Variants in RAB27B observed in about 807,000 individuals in gnomAD.
The protein encoded by RAB27B is RAB27B, member RAS oncogene family, also known as ras-related protein Rab-27B.
RAB27B carries 15 observed loss-of-function variants against 24.6 expected under a neutral mutation model. The observed-to-expected ratio is 0.61, with a 90% CI of 0.41 to 0.94. RAB27B has a LOEUF of 0.94. RAB27B is among the 40% of genes least tolerant of loss of function. The probability of loss-of-function intolerance (pLI) is 0.00; values close to 1 mark genes in which losing one functional copy is unlikely to be tolerated. For missense variants in RAB27B, 261 were observed against 266.8 expected, an observed-to-expected ratio of 0.98 and a Z score of 0.15; for synonymous variants, 105 against 92.5, an observed-to-expected ratio of 1.14 and a Z score of -0.78.
At chr18:54,881,004 T>C (rs1912901556) in intron 3 of RAB27B, among the ~76,000 whole-genome samples, 1 of 152,100 alleles carries the variant, frequency 6.6e-6, no homozygotes, top group Non-Finnish European at 1.5e-5. Context: ...TTGATAGAAG[T>C]CACATCATGG....
chr18:54,749,984 T>A (rs1907780773), intron 2 of RAB27B, among the ~76,000 whole-genome samples: 1 of 152,202 alleles, frequency 6.6e-6, no homozygotes, highest in Admixed American at 6.5e-5. Context: ...CCTACTGTTA[T>A]TGAATGGCTC....
chr18:54,876,898 A>G (rs1397855984), intron 1 of RAB27B, among the ~76,000 whole-genome samples: 2 of 151,864 alleles, frequency 1.3e-5, no homozygotes, highest in Non-Finnish European at 2.9e-5. Flanking sequence ...TCTAATCCCA[A>G]ATGCACTGGT....
At chr18:54,741,393 T>A (rs567283306) in intron 2 of RAB27B, among the ~76,000 whole-genome samples, 3 of 152,338 alleles carry the variant, frequency 2.0e-5, no homozygotes, top group African/African-American at 7.2e-5. Flanking sequence ...CTAAGTTCAC[T>A]GTTGTGCATC....
intron 1 of RAB27B, among the ~76,000 whole-genome samples, chr18:54,843,287 G>A (rs1911189976): frequency 1.3e-5 from 2 of 152,082 alleles, no homozygotes; most frequent in African/African-American, 2.4e-5. Flanking sequence ...ATAAATTAAT[G>A]CCCTGTAGAG....
chr18:54,846,608 C>T (rs995735299), intron 1 of RAB27B, among the ~76,000 whole-genome samples: 1 of 152,200 alleles, frequency 6.6e-6, no homozygotes, highest in Non-Finnish European at 1.5e-5. Context: ...ATACCTACCA[C>T]ATTTGAGCCA....
At chr18:54,720,327 T>C (rs563415855) in intron 2 of RAB27B, among the ~76,000 whole-genome samples, 2 of 152,208 alleles carry the variant, frequency 1.3e-5, no homozygotes, top group African/African-American at 4.8e-5. Flanking sequence ...CAGATTTACT[T>C]GGTAGTGTTA....
At chr18:54,850,357 T>TATATATACATATATAC (rs1264669719) in intron 1 of RAB27B, among the ~76,000 whole-genome samples, 1 of 130,566 alleles carries the variant, frequency 7.7e-6, no homozygotes, top group African/African-American at 3.1e-5. Context: ...TATATATATA[T>TATATATACATATATAC]ATACATACAT....
intron 2 of RAB27B, among the ~76,000 whole-genome samples, chr18:54,816,431 G>A (rs968286863): frequency 5.9e-5 from 9 of 152,210 alleles, no homozygotes; most frequent in South Asian, 2.1e-4. Context: ...AAGTATATCC[G>A]TGCCAAGACG....
intron 1 of RAB27B, among the ~76,000 whole-genome samples, chr18:54,856,469 G>T (rs888108933): frequency 6.6e-6 from 1 of 152,202 alleles, no homozygotes; most frequent in African/African-American, 2.4e-5. Context: ...ACAGTAATGT[G>T]GTCTGACTTA....
chr18:54,842,080 G>A (rs1005196050), intron 1 of RAB27B, among the ~76,000 whole-genome samples: 2 of 152,160 alleles, frequency 1.3e-5, no homozygotes, highest in South Asian at 2.1e-4. Flanking sequence ...GGCAGAAGAC[G>A]GCTATGTGAG....
chr18:54,793,887 A>T (rs772959841), intron 2 of RAB27B, among the ~76,000 whole-genome samples: 3 of 152,218 alleles, frequency 2.0e-5, no homozygotes, highest in South Asian at 4.1e-4. Flanking sequence ...CTCTATTTTT[A>T]AAAATAGTTA....
chr18:54,762,521 C>T (rs1908224097), intron 2 of RAB27B, among the ~76,000 whole-genome samples: 1 of 152,206 alleles, frequency 6.6e-6, no homozygotes, highest in Non-Finnish European at 1.5e-5. Context: ...GTTCACTCTG[C>T]CACATTGTGC....
At chr18:54,811,028 A>T (rs538701153) in intron 2 of RAB27B, among the ~76,000 whole-genome samples, 56 of 152,166 alleles carry the variant, frequency 3.7e-4, no homozygotes, top group Non-Finnish European at 7.4e-4. Flanking sequence ...TGTTACCTGA[A>T]ACGAATACAT....
At chr18:54,775,056 A>C (rs1006121659) in intron 2 of RAB27B, among the ~76,000 whole-genome samples, 2 of 152,208 alleles carry the variant, frequency 1.3e-5, no homozygotes, top group Non-Finnish European at 2.9e-5. Context: ...CCTGGGAGGA[A>C]CTTGGCCTCT....
chr18:54,866,755 G>A (rs1428984045), intron 1 of RAB27B, among the ~76,000 whole-genome samples: 3 of 152,166 alleles, frequency 2.0e-5, no homozygotes, highest in Non-Finnish European at 2.9e-5. Context: ...ATGCCTGACT[G>A]ACCATCATTC....
chr18:54,732,452 G>T (rs937179726), intron 2 of RAB27B, among the ~76,000 whole-genome samples: 1 of 152,208 alleles, frequency 6.6e-6, no homozygotes, highest in Non-Finnish European at 1.5e-5. Context: ...GAGATTCTAA[G>T]TGGTCAGGTG....
At chr18:54,728,904 A>C (rs12966658) in intron 2 of RAB27B, among the ~76,000 whole-genome samples, 20 of 7,736 alleles carry the variant, frequency 2.6e-3, no homozygotes, top group Non-Finnish European at 3.3e-3. Flanking sequence ...AAAAAAACCC[A>C]AAAAAAAAAA....
At chr18:54,804,553 T>A (rs1568072361) in intron 2 of RAB27B, among the ~76,000 whole-genome samples, 1 of 152,202 alleles carries the variant, frequency 6.6e-6, no homozygotes, top group Non-Finnish European at 1.5e-5. Context: ...TGTATCTTTA[T>A]CAGCAGTGTG....
chr18:54,864,830 G>A (rs914743984), intron 1 of RAB27B, among the ~76,000 whole-genome samples: 3 of 152,098 alleles, frequency 2.0e-5, no homozygotes, highest in Admixed American at 6.6e-5. Flanking sequence ...AAATTGAAAA[G>A]TATAAGTCCT....
Sources: gnomAD v4.1 joint callset for allele counts (sites outside exome capture counted in the v4.1 genomes callset) on GRCh38, gnomAD v4.1.1 for gene constraint, MANE v1.5 for transcripts, NCBI Gene and HGNC (gene_info 2026-07-23, HGNC 2026-07-21) for gene names.